NCEH1: variants seen among roughly 807,000 people sequenced by gnomAD.
NCEH1 encodes neutral cholesterol ester hydrolase 1.
Under a neutral mutation model 25.4 loss-of-function variants are expected in NCEH1, and 9 were observed. The ratio of observed to expected loss-of-function variants is 0.35; its 90% confidence interval spans 0.21 to 0.62. The LOEUF (loss-of-function observed/expected upper bound fraction) is 0.62, where lower values mean the gene tolerates loss of function less well. Ranked by LOEUF, NCEH1 falls within the 20% of genes least tolerant of loss-of-function variation. The probability of loss-of-function intolerance (pLI) is 0.72; values close to 1 mark genes in which losing one functional copy is unlikely to be tolerated. For missense variants in NCEH1, 412 were observed against 501.1 expected, an observed-to-expected ratio of 0.82 and a Z score of 1.70; for synonymous variants, 200 against 199.8, an observed-to-expected ratio of 1.00 and a Z score of -0.01.
At chr3:172,696,621 C>T (rs1713392083) in intron 1 of NCEH1, among the ~76,000 whole-genome samples, 1 of 152,156 alleles carries the variant, frequency 6.6e-6, no homozygotes, top group Admixed American at 6.5e-5. Context: ...TTCAAGGTCA[C>T]ACAGCTAGGA....
chr3:172,663,228 A>C (rs1019833580), intron 1 of NCEH1, among the ~76,000 whole-genome samples: 21 of 152,212 alleles, frequency 1.4e-4, no homozygotes, highest in African/African-American at 4.8e-4. Flanking sequence ...ACCCAGTAGT[A>C]ATTCAGGAGC....
chr3:172,650,811 CGAAAAAAAAAAA>C (rs1717364805), intron 1 of NCEH1, among the ~76,000 whole-genome samples: 1 of 89,982 alleles, frequency 1.1e-5, no homozygotes. Flanking sequence ...GACTCTGCCT[CGAAAAAAAAAAA>C]AAAAAAAAAA....
At chr3:172,661,763 CCTCT>C (rs1300511100) in intron 1 of NCEH1, among the ~76,000 whole-genome samples, 3 of 138,174 alleles carry the variant, frequency 2.2e-5, no homozygotes, top group African/African-American at 5.1e-5. Context: ...TCATGATTTG[CCTCT>C]CTGTTTGTCT....
At chr3:172,639,854 A>G (rs1238925680) in intron 3 of NCEH1, among the ~76,000 whole-genome samples, 1 of 152,222 alleles carries the variant, frequency 6.6e-6, no homozygotes, top group African/African-American at 2.4e-5. Flanking sequence ...GTACCTTGCC[A>G]AATGTTCTAC....
chr3:172,653,303 A>C (rs1379285725), intron 1 of NCEH1, among the ~76,000 whole-genome samples: 2 of 152,120 alleles, frequency 1.3e-5, no homozygotes, highest in African/African-American at 4.8e-5. Flanking sequence ...GACAAACAAG[A>C]ATCAAAGGAA....
chr3:172,652,438 G>A (rs9816593), intron 1 of NCEH1, among the ~76,000 whole-genome samples: 100,788 of 152,052 alleles, frequency 0.66, 33,724 homozygotes, highest in East Asian at 0.94. Context: ...ACCAAGGATC[G>A]GGTGGAACAG....
intron 1 of NCEH1, among the ~76,000 whole-genome samples, chr3:172,680,377 C>G (rs567743127): frequency 6.6e-6 from 1 of 152,280 alleles, no homozygotes; most frequent in South Asian, 2.1e-4. Flanking sequence ...CTTCAAGACA[C>G]CACCTCTGTG....
chr3:172,662,836 T>C (rs1459575470), intron 1 of NCEH1, among the ~76,000 whole-genome samples: 2 of 140,304 alleles, frequency 1.4e-5, no homozygotes, highest in Non-Finnish European at 3.0e-5. Flanking sequence ...TTTTATTGCA[T>C]CTATTTGATT....
At chr3:172,653,543 C>A (rs1271821770) in intron 1 of NCEH1, among the ~76,000 whole-genome samples, 1 of 151,894 alleles carries the variant, frequency 6.6e-6, no homozygotes, top group Non-Finnish European at 1.5e-5. Flanking sequence ...GTAAGAAAGG[C>A]CTAGATAAAG....
At chr3:172,674,750 C>G (rs1194109202) in intron 1 of NCEH1, among the ~76,000 whole-genome samples, 1 of 152,184 alleles carries the variant, frequency 6.6e-6, no homozygotes, top group Non-Finnish European at 1.5e-5. Context: ...GAACTATACA[C>G]TGTGGCACCC....
intron 1 of NCEH1, among the ~76,000 whole-genome samples, chr3:172,665,569 G>C (rs1164393670): frequency 6.6e-6 from 1 of 152,222 alleles, no homozygotes; most frequent in Non-Finnish European, 1.5e-5. Context: ...CTTTTGTTCA[G>C]CTATGCCCTG....
intron 1 of NCEH1, among the ~76,000 whole-genome samples, chr3:172,657,353 CTAGAGCAATTAACGACACAAA>C (rs1320908357): frequency 6.6e-6 from 1 of 152,166 alleles, no homozygotes; most frequent in Non-Finnish European, 1.5e-5. Flanking sequence ...TTCTCCACCC[CTAGAGCAATTAACGACACAAA>C]TTCTCAATTA....
At chr3:172,658,840 C>CTTTTT (rs33955977) in intron 1 of NCEH1, among the ~76,000 whole-genome samples, 2 of 74,222 alleles carry the variant, frequency 2.7e-5, no homozygotes, top group Non-Finnish European at 4.8e-5. Context: ...AATTCCAAAA[C>CTTTTT]TTTTTTTTTT....
intron 3 of NCEH1, among the ~76,000 whole-genome samples, chr3:172,636,966 C>T (rs1716624011): frequency 6.6e-6 from 1 of 152,096 alleles, no homozygotes; most frequent in Non-Finnish European, 1.5e-5. Context: ...GGTTTGGCCT[C>T]CTCTGGGCAG....
chr3:172,687,318 T>C (rs1166101386), intron 1 of NCEH1, among the ~76,000 whole-genome samples: 3 of 152,208 alleles, frequency 2.0e-5, no homozygotes, highest in African/African-American at 7.2e-5. Context: ...TTCACAGCCT[T>C]GTACTGCCCA....
At chr3:172,702,490 T>A (rs1270341097) in intron 1 of NCEH1, among the ~76,000 whole-genome samples, 1 of 152,240 alleles carries the variant, frequency 6.6e-6, no homozygotes, top group Non-Finnish European at 1.5e-5. Context: ...TGGTTTATCA[T>A]CCCTCACTTG....
At chr3:172,685,147 G>A (rs148890141) in intron 1 of NCEH1, among the ~76,000 whole-genome samples, 129 of 151,782 alleles carry the variant, frequency 8.5e-4, no homozygotes, top group African/African-American at 3.0e-3. Context: ...CAAAAAGCTA[G>A]CTGGGTGTGG....
chr3:172,675,717 A>C (rs910394046), intron 1 of NCEH1, among the ~76,000 whole-genome samples: 2 of 152,226 alleles, frequency 1.3e-5, no homozygotes, highest in Non-Finnish European at 2.9e-5. Context: ...CAAGGGAGAA[A>C]TGCATGCTGT....
Position 172,691,604 on chromosome 3 carries a change from G to A in NCEH1, c.138+19243C>T, listed in dbSNP as rs564613329. On this transcript the variant is annotated intron_variant, in intron 1 of 4. Transcript: ENST00000475381. Reference sequence around the variant, plus strand: ...GCAGTGGAGATGGAATTACTTAGGAGTAATTAAACAAATCCAGTGACAGGA... The same window carrying A: ...GCAGTGGAGATGGAATTACTTAGGAATAATTAAACAAATCCAGTGACAGGA... Among the ~76,000 whole-genome samples, 11 of 152,418 alleles carry A rather than the reference G, an allele frequency of 7.2e-5. No homozygotes were observed. The South Asian group carries it at 2.1e-3, about 29-fold the overall frequency.
Sources: allele counts gnomAD v4.1 joint callset (sites outside exome capture counted in the v4.1 genomes callset), GRCh38; gene constraint gnomAD v4.1.1; transcripts MANE v1.5; gene names NCBI Gene and HGNC (gene_info 2026-07-23, HGNC 2026-07-21).